PRAC1: variants seen among roughly 807,000 people sequenced by gnomAD.
PRAC1 encodes small nuclear protein PRAC1.
A neutral mutation model predicts 3.1 loss-of-function variants in PRAC1; 4 were observed. The observed-to-expected ratio is 1.28, with a 90% CI of 0.63 to 2.93. The LOEUF (loss-of-function observed/expected upper bound fraction) is 2.93, where lower values mean the gene tolerates loss of function less well. PRAC1 is among the 30% of genes most tolerant of loss of function. The pLI is 0.01. For synonymous variants in PRAC1, 32 were observed against 27.0 expected (o/e 1.18, Z -0.57); for missense variants, 72 against 66.8 (o/e 1.08, Z -0.27).
chr17:48,721,883 T>C lies in PRAC1; in HGVS notation c.92A>G (p.Lys31Arg), dbSNP rs866492219. 1.5e-5 allele frequency: 23 copies of C among 1,524,272 alleles called. No individual in the cohort carries two copies. The African/African-American group carries it at 2.8e-4, about 18-fold the overall frequency. The allele number at this position is 1,524,272 out of a possible 1,614,324, so 94.4% of individuals were successfully genotyped here. A position where few individuals can be genotyped will look rare whatever the true frequency, so the allele number is the denominator to read the frequency against. ...ACTCCTGGTCTCGCCCAGTAGATGT[T>C]TCAAAGTAGATGTTTTCTAAAATAT... The part of the protein sequence containing the change: ...FLSNKKTSTL[K>R]HLLGETRSDG... The change falls in exon 2 of 2, where the codon AAA (lysine) becomes AGA (arginine). Residue 31 changes from lysine to arginine, a missense_variant. Transcript: ENST00000290294.
Position 48,722,300 on chromosome 17 carries a change from G to T in PRAC1, c.75+18C>A. On this transcript the variant is annotated intron_variant, in intron 1 of 1. Coordinates refer to ENST00000290294, the MANE Select transcript of PRAC1 (RefSeq NM_032391.3). ...GAGCGATCCGTCGATAACGCCCTTG[G>T]CCCACCGATCAGTTTACCTTATTAG... is the stretch of plus-strand genomic sequence containing the variant. 1 of 1,604,958 alleles carries T rather than the reference G, an allele frequency of 6.2e-7. No homozygotes were observed. The highest frequency in any genetic ancestry group is 8.5e-7 in the Non-Finnish European group (1 of 1,171,686).
At position 48,722,301 on chromosome 17, in the gene PRAC1, C is replaced by T; in HGVS notation, c.75+17G>A. 6.2e-7 allele frequency: 1 copy of T among 1,606,908 alleles called. No individual in the cohort carries two copies. Among genetic ancestry groups the T allele is most frequent in the Non-Finnish European group, 8.5e-7 (1 of 1,173,542 alleles). On this transcript the variant is annotated intron_variant, in intron 1 of 1. Coordinates refer to ENST00000290294, the MANE Select transcript of PRAC1 (RefSeq NM_032391.3). ...AGCGATCCGTCGATAACGCCCTTGG[C>T]CCACCGATCAGTTTACCTTATTAGA...
rs954583962 is a variant in PRAC1 at position 48,721,773 on chromosome 17, T to G, written c.*28A>C. 9 of 1,482,940 alleles carry G rather than the reference T, an allele frequency of 6.1e-6. No homozygotes were observed. In the African/African-American group the frequency reaches 7.1e-5, roughly 12 times the overall value. 91.9% of individuals were successfully genotyped at this position (1,482,940 alleles called of 1,614,324 possible). A position where few individuals can be genotyped will look rare whatever the true frequency, so the allele number is the denominator to read the frequency against. Reference sequence around the variant, plus strand: ...AAATAGAGACAGCGTCTTGCTACATTGCCCAGGCTGGTCTGGAACTCCTGT... The same window carrying G: ...AAATAGAGACAGCGTCTTGCTACATGGCCCAGGCTGGTCTGGAACTCCTGT... On this transcript the variant is annotated 3_prime_UTR_variant, in exon 2 of 2. Transcript: ENST00000290294.
chr17:48,722,190 C>T, intron 1 of PRAC1, 128 bp downstream of exon 1: 6 of 813,748 alleles, frequency 7.4e-6, no homozygotes, highest in Non-Finnish European at 1.2e-5. Context: ...TGCTGCTCAC[C>T]CTTCCCTTGT....
rs1331262537 is a variant in PRAC1, at chr17:48,721,884, T to G, written c.91A>C (p.Lys31Gln). 2 of 1,523,280 alleles carry G rather than the reference T, an allele frequency of 1.3e-6. No homozygotes were observed. The highest frequency in any genetic ancestry group is 4.4e-5 in the Admixed American group (2 of 45,792). The allele number at this position is 1,523,280 out of a possible 1,614,324, so 94.4% of individuals were successfully genotyped here. Residue 31 changes from lysine to glutamine, a missense_variant, in exon 2 of 2, where the codon AAA becomes CAA. Coordinates refer to ENST00000290294, the MANE Select transcript of PRAC1 (RefSeq NM_032391.3). ...CTCCTGGTCTCGCCCAGTAGATGTT[T>G]CAAAGTAGATGTTTTCTAAAATATT... ...FLSNKKTSTLKHLLGETRSDG... is the reference protein window; with the variant it reads ...FLSNKKTSTLQHLLGETRSDG...
rs1344306317 is a variant in PRAC1, at chr17:48,721,746, A to G, written c.*55T>C. The G allele has an allele frequency of 9.8e-6, 14 of 1,429,828 alleles. No homozygotes were observed. The highest frequency in any genetic ancestry group is 2.6e-5 in the East Asian group (1 of 37,838). The allele number at this position is 1,429,828 out of a possible 1,614,324, so 88.6% of individuals were successfully genotyped here. A position where few individuals can be genotyped will look rare whatever the true frequency, so the allele number is the denominator to read the frequency against. On this transcript the variant is annotated 3_prime_UTR_variant, in exon 2 of 2. Coordinates refer to ENST00000290294, the MANE Select transcript of PRAC1 (RefSeq NM_032391.3). ...TCCTTTTTTAAAAAAATTTTATTGT[A>G]TAAATAGAGACAGCGTCTTGCTACA... is the stretch of plus-strand genomic sequence containing the variant.
intron 1 of PRAC1, among the ~76,000 whole-genome samples, 167 bp downstream of exon 1, chr17:48,722,151 G>A (rs79275384): frequency 6.6e-6 from 1 of 152,024 alleles, no homozygotes; most frequent in South Asian, 2.1e-4. Flanking sequence ...GCGAGTAGGT[G>A]CTCCCGCCAG....
At position 48,721,835 on chromosome 17, in the gene PRAC1, C is replaced by T; in HGVS notation, c.140G>A (p.Gly47Glu). 1 of 1,543,148 alleles carries T rather than the reference C, an allele frequency of 6.5e-7. No homozygotes were observed. Among genetic ancestry groups the T allele is most frequent in the East Asian group, 2.5e-5 (1 of 40,516 alleles). Residue 47 changes from glycine to glutamate, a missense_variant, in exon 2 of 2, where the codon GGA becomes GAA. Gly to Glu is a moderately conservative substitution (Grantham distance 98). Transcript: ENST00000290294. Reference sequence around the variant, plus strand: ...CTTCCTGCCTCGGCCTCCCGAAATTCCAGAATTACAGGCTGAGCCATCACT... The same window carrying T: ...CTTCCTGCCTCGGCCTCCCGAAATTTCAGAATTACAGGCTGAGCCATCACT... ...TRSDGSACNS[G>E]ISGGRGRKIP
At position 48,722,428 on chromosome 17, in the gene PRAC1, A is replaced by G. The variant is rs766623644; in HGVS notation, c.-36T>C. The G allele has an allele frequency of 3.1e-6, 5 of 1,593,444 alleles. No individual in the cohort carries two copies. The African/African-American group carries it at 4.0e-5, about 13-fold the overall frequency. ...TCTGCAAAGGTGGGGACCAGAATCC[A>G]GCTTGCCTGACCTTGCAAGCAAGCA... On this transcript the variant is annotated 5_prime_UTR_variant, in exon 1 of 2. Transcript: ENST00000290294.
Position 48,722,346 on chromosome 17 carries a change from G to A in PRAC1, c.47C>T (p.Thr16Ile), listed in dbSNP as rs756273867. ...ATTAGAGAGAAAAGCACTCTTGGAG[G>A]TAGTAAGATGGGCCGGTCCTTGATC... ...FSDQGPAHLT[T>I]SKSAFLSNKK... is the part of the protein sequence containing the mutation. The change falls in exon 1 of 2, where the codon ACC becomes ATC. Residue 16 changes from threonine (T) to isoleucine (I), a missense_variant. Thr to Ile is a moderately conservative substitution (Grantham distance 89). Coordinates refer to ENST00000290294, the MANE Select transcript of PRAC1 (RefSeq NM_032391.3). 5 of 1,614,146 alleles carry A rather than the reference G, an allele frequency of 3.1e-6. No homozygotes were observed. The highest frequency in any genetic ancestry group is 4.2e-6 in the Non-Finnish European group (5 of 1,179,946).
intron 1 of PRAC1, 67 bp from the exon 2 acceptor site, chr17:48,721,966 T>C (rs1473590118): frequency 1.4e-6 from 2 of 1,423,512 alleles, no homozygotes; most frequent in African/African-American, 1.4e-5. Flanking sequence ...ATTTTGCTTA[T>C]GCCAGGACTC....
intron 1 of PRAC1, 97 bp from the exon 2 acceptor site, chr17:48,721,996 A>G: frequency 7.7e-7 from 1 of 1,297,838 alleles, no homozygotes; most frequent in Non-Finnish European, 1.0e-6. Context: ...GGAGACAAAC[A>G]TTAAGTCTTA....
At position 48,722,306 on chromosome 17, in the gene PRAC1, C is replaced by A; in HGVS notation, c.75+12G>T. 6.2e-7 allele frequency: 1 copy of A among 1,610,186 alleles called. No individual in the cohort carries two copies. Among genetic ancestry groups the A allele is most frequent in the Non-Finnish European group, 8.5e-7 (1 of 1,176,434 alleles). ...TCCGTCGATAACGCCCTTGGCCCAC[C>A]GATCAGTTTACCTTATTAGAGAGAA... On this transcript the variant is annotated intron_variant, in intron 1 of 1. Transcript: ENST00000290294.
At chr17:48,721,969 C>T (rs2038149482) in intron 1 of PRAC1, 70 bp from the exon 2 acceptor site, 2 of 1,411,324 alleles carry the variant, frequency 1.4e-6, no homozygotes, top group African/African-American at 1.4e-5. Context: ...TTGCTTATGC[C>T]AGGACTCCAT....
Position 48,721,841 on chromosome 17 carries a change from T to C in PRAC1, c.134A>G (p.Asn45Ser). The C allele has an allele frequency of 6.5e-7, 1 of 1,544,068 alleles. No homozygotes were observed. Residue 45 changes from asparagine (N) to serine (S), a missense_variant, in exon 2 of 2, where the codon AAT becomes AGT. By Grantham distance (46) the Asn-to-Ser change is conservative. Coordinates refer to ENST00000290294, the MANE Select transcript of PRAC1 (RefSeq NM_032391.3). ...GCCTCGGCCTCCCGAAATTCCAGAA[T>C]TACAGGCTGAGCCATCACTCCTGGT... Reference protein sequence around the residue: ...GETRSDGSACNSGISGGRGRK... With the variant: ...GETRSDGSACSSGISGGRGRK...
In PRAC1 at chr17:48,721,829, G is replaced by A. The variant is rs554311327; in HGVS notation, c.146C>T (p.Ser49Leu). 7.3e-5 allele frequency: 113 copies of A among 1,542,632 alleles called. 1 individual carries two copies. Among genetic ancestry groups the A allele is most frequent in the South Asian group, 6.5e-4 (54 of 82,568 alleles). ...SDGSACNSGISGGRGRKIP is the reference protein window; with the variant it reads ...SDGSACNSGILGGRGRKIP ...AGGAATCTTCCTGCCTCGGCCTCCCGAAATTCCAGAATTACAGGCTGAGCC... is the reference window on the plus strand; with the variant it reads ...AGGAATCTTCCTGCCTCGGCCTCCCAAAATTCCAGAATTACAGGCTGAGCC... The change falls in exon 2 of 2, where the codon TCG (serine) becomes TTG (leucine). Residue 49 changes from serine to leucine, a missense_variant. Physicochemically the swap from Ser to Leu is moderately radical, Grantham distance 145. Transcript: ENST00000290294.
Position 48,722,487 on chromosome 17 carries a change from CTGTT to C in PRAC1, c.-99_-96del. ...AAGGTTTCAGCCTCCCAGTGGCGCT[CTGTT>C]TGCACGCCTTAGGCTAGGAGAGGAA... is the stretch of plus-strand genomic sequence containing the variant. On this transcript the variant is annotated 5_prime_UTR_variant, in exon 1 of 2. Coordinates refer to ENST00000290294, the MANE Select transcript of PRAC1 (RefSeq NM_032391.3). The C allele has an allele frequency of 9.7e-7, 1 of 1,027,844 alleles. No individual in the cohort carries two copies. The highest frequency in any genetic ancestry group is 1.3e-5 in the South Asian group (1 of 77,546). 63.7% of individuals were successfully genotyped at this position (1,027,844 alleles called of 1,614,324 possible).
Position 48,722,506 on chromosome 17 carries a change from T to C in PRAC1, c.-114A>G. On this transcript the variant is annotated 5_prime_UTR_variant, in exon 1 of 2. Coordinates refer to ENST00000290294, the MANE Select transcript of PRAC1 (RefSeq NM_032391.3). ...GGCGCTCTGTTTGCACGCCTTAGGC[T>C]AGGAGAGGAAGGACGGGAGCACAGC... 1.1e-6 allele frequency: 1 copy of C among 879,656 alleles called. No individual in the cohort carries two copies. Among genetic ancestry groups the C allele is most frequent in the Non-Finnish European group, 1.9e-6 (1 of 526,532 alleles). 54.5% of individuals were successfully genotyped at this position (879,656 alleles called of 1,614,324 possible).
At chr17:48,722,040 C>A (rs893533343) in intron 1 of PRAC1, 141 bp from the exon 2 acceptor site, 1 of 977,138 alleles carries the variant, frequency 1.0e-6, no homozygotes, top group Non-Finnish European at 1.5e-6. Flanking sequence ...AGTTCCCACT[C>A]CCAAGCCTCT....
Sources: allele counts gnomAD v4.1 joint callset (sites outside exome capture counted in the v4.1 genomes callset), GRCh38; gene constraint gnomAD v4.1.1; transcripts MANE v1.5; gene names NCBI Gene and HGNC (gene_info 2026-07-23, HGNC 2026-07-21).